Variants in SSH1 observed in about 807,000 individuals in gnomAD.
SSH1 encodes slingshot protein phosphatase 1, also known as protein phosphatase Slingshot homolog 1.
In SSH1, 43 loss-of-function variants were observed where a neutral mutation model predicts 79.7. The observed-to-expected ratio is 0.54, with a 90% CI of 0.42 to 0.70. SSH1 has a LOEUF of 0.70. SSH1 is among the 30% of genes least tolerant of loss of function. The probability of loss-of-function intolerance (pLI) is 0.00; values close to 1 mark genes in which losing one functional copy is unlikely to be tolerated. For synonymous variants in SSH1, 599 were observed against 538.3 expected, an observed-to-expected ratio of 1.11 and a Z score of -1.56; for missense variants, 1,206 against 1,358.8, an observed-to-expected ratio of 0.89 and a Z score of 1.77.
chr12:108,852,711 G>C lies in SSH1; in HGVS notation c.70-33C>G, dbSNP rs758745144. ...GAAAGAAAGAGAATATCACACCACA[G>C]GCACCACTGTCAACACGCCTCGGGC... On this transcript the variant is annotated intron_variant, in intron 1 of 14. Transcript: ENST00000326495. 3.7e-6 allele frequency: 6 copies of C among 1,613,864 alleles called. No homozygotes were observed. The South Asian group carries it at 6.6e-5, about 18-fold the overall frequency.
chr12:108,786,941 G>GA lies in SSH1; in HGVS notation c.*1046dup, dbSNP rs1200505831. 6.6e-6 allele frequency: 1 copy of GA among 152,272 alleles called. No individual in the cohort carries two copies. The highest frequency in any genetic ancestry group is 1.5e-5 in the Non-Finnish European group (1 of 68,106). The allele number at this position is 152,272 out of a possible 1,614,324, so 9.4% of individuals were successfully genotyped here. A position where few individuals can be genotyped will look rare whatever the true frequency, so the allele number is the denominator to read the frequency against. ...CACTGCTGCTGGGAAGAGCTGGAGGGAAACAGGAAGCAGTAATCTCACTGC... is the reference window on the plus strand; with the variant it reads ...CACTGCTGCTGGGAAGAGCTGGAGGGAAAACAGGAAGCAGTAATCTCACTGC... On this transcript the variant is annotated 3_prime_UTR_variant, in exon 15 of 15. Coordinates refer to ENST00000326495, the MANE Select transcript of SSH1 (RefSeq NM_018984.4).
chr12:108,827,362 A>G, intron 2 of SSH1: 1 of 1,543,678 alleles, frequency 6.5e-7, no homozygotes, highest in Non-Finnish European at 8.8e-7. Flanking sequence ...TGCAGTGCTC[A>G]CATCTCTAAC....
rs2037480974 is a variant in SSH1 at position 108,809,746 on chromosome 12, C to T, written c.483G>A (p.Val161=). ...IHLDGDGGFS[V]STAGRMHIFK... ...ATATGTGCATCCTTCCTGCTGTGCT[C>T]ACGCTGAACCCACTGAGAATAAAAC... is the stretch of plus-strand genomic sequence containing the variant. The change falls in exon 7 of 15, where the codon GTG becomes GTA. Residue 161 remains valine (V), a synonymous_variant. Transcript: ENST00000326495. 1.2e-6 allele frequency: 2 copies of T among 1,613,934 alleles called. No individual in the cohort carries two copies. Among genetic ancestry groups the T allele is most frequent in the Non-Finnish European group, 1.7e-6 (2 of 1,179,876 alleles).
intron 10 of SSH1, among the ~76,000 whole-genome samples, chr12:108,802,680 T>TC (rs1555231451): frequency 2.7e-5 from 4 of 149,170 alleles, no homozygotes; most frequent in African/African-American, 9.9e-5. Flanking sequence ...AAGAGTCCAG[T>TC]GGGGGGGGGT....
At chr12:108,848,714 CAAGGTGGCTGAAGAGGGGTTTA>C (rs2038955429) in intron 2 of SSH1, among the ~76,000 whole-genome samples, 1 of 152,182 alleles carries the variant, frequency 6.6e-6, no homozygotes, top group African/African-American at 2.4e-5. Flanking sequence ...AGTGTGACGT[CAAGGTGGCTGAAGAGGGGTTTA>C]AAAGGGCACC....
In SSH1 at chr12:108,783,167, GTTCT is replaced by G. The variant is rs1322343695; in HGVS notation, c.*4817_*4820del. 1 of 152,128 alleles carries G rather than the reference GTTCT, an allele frequency of 6.6e-6. No individual in the cohort carries two copies. Among genetic ancestry groups the G allele is most frequent in the Non-Finnish European group, 1.5e-5 (1 of 68,016 alleles). The allele number at this position is 152,128 out of a possible 1,614,324, so 9.4% of individuals were successfully genotyped here. A position where few individuals can be genotyped will look rare whatever the true frequency, so the allele number is the denominator to read the frequency against. On this transcript the variant is annotated 3_prime_UTR_variant, in exon 15 of 15. Coordinates refer to ENST00000326495, the MANE Select transcript of SSH1 (RefSeq NM_018984.4). ...ACGGCTGGCTAGCAGACCAAGCTACGTTCTTTCATTGGCTCCTATGGGACACAGC... is the reference window on the plus strand; with the variant it reads ...ACGGCTGGCTAGCAGACCAAGCTACGTTCATTGGCTCCTATGGGACACAGC...
chr12:108,805,262 T>G (rs2037216021), intron 9 of SSH1, 78 bp from the exon 10 acceptor site: 5 of 1,532,136 alleles, frequency 3.3e-6, no homozygotes, highest in Non-Finnish European at 4.5e-6. Flanking sequence ...AAAGTTACAA[T>G]GGAAACTGTG....
At chr12:108,844,319 G>A (rs548346275) in intron 2 of SSH1, among the ~76,000 whole-genome samples, 1 of 152,256 alleles carries the variant, frequency 6.6e-6, no homozygotes, top group African/African-American at 2.4e-5. Context: ...AGGCCAGCAT[G>A]TTCAAGGTGG....
At position 108,779,252 on chromosome 12, in the gene SSH1, C is replaced by G. The variant is rs1484828612; in HGVS notation, c.*8736G>C. ...TCTTAACAAGGTACTTCAGGATGCACAATTTCCATTTAAAGGCAAAATATG... is the reference window on the plus strand; with the variant it reads ...TCTTAACAAGGTACTTCAGGATGCAGAATTTCCATTTAAAGGCAAAATATG... On this transcript the variant is annotated 3_prime_UTR_variant, in exon 15 of 15. Transcript: ENST00000326495. 2 of 152,218 alleles carry G rather than the reference C, an allele frequency of 1.3e-5. No homozygotes were observed. The highest frequency in any genetic ancestry group is 1.5e-5 in the Non-Finnish European group (1 of 68,050). The allele number at this position is 152,218 out of a possible 1,614,324, so 9.4% of individuals were successfully genotyped here.
intron 2 of SSH1, 142 bp downstream of exon 2, chr12:108,852,496 C>T (rs1457161549): frequency 2.1e-6 from 2 of 954,172 alleles, no homozygotes; most frequent in African/African-American, 1.6e-5. Context: ...TCCCAAAGTG[C>T]TGGAATTACA....
chr12:108,837,835 G>A lies in SSH1; in HGVS notation c.111-14474C>T, dbSNP rs187092414. On this transcript the variant is annotated intron_variant, in intron 2 of 14. Transcript: ENST00000326495. The stretch of plus-strand genomic sequence containing the variant: ...ACTCTGTCGCCCAGGCTGGAGTGCA[G>A]TGGGACGACCACGGCTCACGCAGCA... Among the ~76,000 whole-genome samples, 230 of 151,984 alleles carry A rather than the reference G, an allele frequency of 1.5e-3. 1 individual carries two copies. The highest frequency in any genetic ancestry group is 5.3e-3 in the African/African-American group (221 of 41,442).
At position 108,785,251 on chromosome 12, in the gene SSH1, G is replaced by C. The variant is rs2036239430; in HGVS notation, c.*2737C>G. Reference sequence around the variant, plus strand: ...TTCTCCTGCCTCAGCCTCCTAAGTAGCTAGGATTACAGGCACGCACTACCA... The same window carrying C: ...TTCTCCTGCCTCAGCCTCCTAAGTACCTAGGATTACAGGCACGCACTACCA... On this transcript the variant is annotated 3_prime_UTR_variant, in exon 15 of 15. Coordinates refer to ENST00000326495, the MANE Select transcript of SSH1 (RefSeq NM_018984.4). 1 of 152,236 alleles carries C rather than the reference G, an allele frequency of 6.6e-6. No homozygotes were observed. Among genetic ancestry groups the C allele is most frequent in the African/African-American group, 2.4e-5 (1 of 41,406 alleles). 9.4% of individuals were successfully genotyped at this position (152,236 alleles called of 1,614,324 possible).
chr12:108,803,149 T>C (rs2037098286), intron 10 of SSH1, among the ~76,000 whole-genome samples: 1 of 152,144 alleles, frequency 6.6e-6, no homozygotes, highest in African/African-American at 2.4e-5. Context: ...ATATATGCAT[T>C]TTAAAAACCC....
chr12:108,828,875 G>A (rs969291170), intron 2 of SSH1, among the ~76,000 whole-genome samples: 6 of 152,220 alleles, frequency 3.9e-5, no homozygotes, highest in African/African-American at 9.6e-5. Flanking sequence ...AAGGCTGTAG[G>A]AGGTACTTAG....
chr12:108,823,535 C>A (rs2038204814), intron 2 of SSH1, among the ~76,000 whole-genome samples, 174 bp from the exon 3 acceptor site: 1 of 152,212 alleles, frequency 6.6e-6, no homozygotes. Context: ...CTTGCTTTTG[C>A]TAAAAGCTTG....
intron 2 of SSH1, among the ~76,000 whole-genome samples, chr12:108,831,834 C>T (rs1209750209): frequency 5.3e-5 from 8 of 152,108 alleles, no homozygotes; most frequent in Non-Finnish European, 8.8e-5. Context: ...GTTTGGTTAG[C>T]GTAAATTGGT....
In SSH1 at chr12:108,807,137, T is replaced by C. The variant is rs2037319359; in HGVS notation, c.731+496A>G. ...CTCTCCATGTCAGCGCTGTCGTAGG[T>C]CACACGACACAGGTCATGTGGTTCA... On this transcript the variant is annotated intron_variant, in intron 8 of 14. Transcript: ENST00000326495. The surrounding 1 kb of genome is among the most constrained non-coding windows in gnomAD (Gnocchi z 5.2). Among the ~76,000 whole-genome samples the C allele has an allele frequency of 6.6e-6, 1 of 152,174 alleles. No individual in the cohort carries two copies. The highest frequency in any genetic ancestry group is 2.1e-4 in the South Asian group (1 of 4,826).
chr12:108,827,467 G>A (rs934374777), intron 2 of SSH1: 5 of 1,295,982 alleles, frequency 3.9e-6, no homozygotes, highest in African/African-American at 3.0e-5. Context: ...GAGGGCTGGG[G>A]AGCCAACTCC....
chr12:108,799,370 T>C (rs1318470581), intron 12 of SSH1, among the ~76,000 whole-genome samples, 170 bp from the exon 13 acceptor site: 1 of 152,220 alleles, frequency 6.6e-6, no homozygotes, highest in Non-Finnish European at 1.5e-5. Context: ...ACGGAGCAGA[T>C]GTCCACGCAC....
Sources: gnomAD v4.1 joint callset for allele counts (sites outside exome capture counted in the v4.1 genomes callset) on GRCh38, gnomAD v4.1.1 for gene constraint, Gnocchi (gnomAD v3.1) non-coding constraint, MANE v1.5 for transcripts, NCBI Gene and HGNC (gene_info 2026-07-23, HGNC 2026-07-21) for gene names.